Variants in INPP5A observed in about 807,000 individuals in gnomAD.
INPP5A encodes 43 kDa inositol polyphosphate 5-phophatase.
In INPP5A, 14 loss-of-function variants were observed where a neutral mutation model predicts 65.2. That is an observed-to-expected ratio of 0.21 (90% CI 0.14 to 0.34). The LOEUF (loss-of-function observed/expected upper bound fraction) is 0.34. INPP5A is among the 10% of genes least tolerant of loss of function. The pLI is 1.00. For synonymous variants in INPP5A, 207 were observed against 208.3 expected, an observed-to-expected ratio of 0.99 and a Z score of 0.05; for missense variants, 431 against 545.6, an observed-to-expected ratio of 0.79 and a Z score of 2.09.
At chr10:132,738,761 T>C (rs937923535) in intron 9 of INPP5A, among the ~76,000 whole-genome samples, 1 of 152,176 alleles carries the variant, frequency 6.6e-6, no homozygotes, top group Non-Finnish European at 1.5e-5. Context: ...TGGGTGGCCG[T>C]TGACAATGAA....
chr10:132,712,647 C>T (rs558920476), intron 8 of INPP5A, among the ~76,000 whole-genome samples: 1 of 130,590 alleles, frequency 7.7e-6, no homozygotes, highest in Non-Finnish European at 1.7e-5. Context: ...TGTGTGGGTG[C>T]ATGTGAGTGG....
At position 132,633,699 on chromosome 10, in the gene INPP5A, A is replaced by C. The variant is rs1427439672; in HGVS notation, c.118-12169A>C. On this transcript the variant is annotated intron_variant, in intron 2 of 15. Transcript: ENST00000368594. ...CATGATTTTTCCATTGTTCAGAGGC[A>C]CTCACTCGAAGGCCCTGGGGGTGGC... Among the ~76,000 whole-genome samples the C allele has an allele frequency of 3.3e-5, 5 of 152,224 alleles. No homozygotes were observed. The East Asian group carries it at 9.7e-4, about 29-fold the overall frequency.
intron 11 of INPP5A, among the ~76,000 whole-genome samples, chr10:132,761,694 A>G (rs557663446): frequency 6.6e-6 from 1 of 152,172 alleles, no homozygotes; most frequent in Non-Finnish European, 1.5e-5. Flanking sequence ...CCAGTCGGTC[A>G]CTTTGGAGGG....
chr10:132,663,691 G>A lies in INPP5A; in HGVS notation c.306+13186G>A, dbSNP rs569664062. On this transcript the variant is annotated intron_variant, in intron 4 of 15. Transcript: ENST00000368594. This position sits in a 1 kb window ranked among gnomAD's most constrained non-coding sequence, Gnocchi z 4.5. ...TTGGTTTGCAGTGGAGTCTGTGCCT[G>A]TGGCAGCCGTCTGCATGACTTTGGG... 3.9e-5 allele frequency among the ~76,000 whole-genome samples: 6 copies of A among 152,340 alleles called. No homozygotes were observed. In the East Asian group the frequency reaches 7.7e-4, roughly 20 times the overall value.
At chr10:132,766,433 G>A (rs1846846526) in intron 12 of INPP5A, among the ~76,000 whole-genome samples, 4 of 152,214 alleles carry the variant, frequency 2.6e-5, no homozygotes, top group Admixed American at 2.6e-4. Flanking sequence ...GTCTATGTGG[G>A]TGTGGATGTG....
At chr10:132,712,657 G>A (rs544119673) in intron 8 of INPP5A, among the ~76,000 whole-genome samples, 2 of 143,942 alleles carry the variant, frequency 1.4e-5, no homozygotes, top group South Asian at 4.6e-4. Flanking sequence ...CATGTGAGTG[G>A]GTATATGCAT....
intron 8 of INPP5A, among the ~76,000 whole-genome samples, chr10:132,722,202 A>T (rs888358649): frequency 3.9e-5 from 6 of 152,238 alleles, no homozygotes; most frequent in African/African-American, 1.4e-4. Context: ...AACCAACTTT[A>T]ATAGATTCCC....
At chr10:132,564,854 G>T (rs1254722533) in intron 1 of INPP5A, among the ~76,000 whole-genome samples, 1 of 152,032 alleles carries the variant, frequency 6.6e-6, no homozygotes, top group Non-Finnish European at 1.5e-5. Flanking sequence ...TGCAGCACGT[G>T]TCTGTTGCAT....
intron 4 of INPP5A, among the ~76,000 whole-genome samples, chr10:132,660,091 C>T (rs536696132): frequency 3.9e-5 from 6 of 152,310 alleles, no homozygotes; most frequent in South Asian, 2.1e-4. Context: ...GCGTGACACA[C>T]GGCACATTAT....
chr10:132,707,223 C>G lies in INPP5A; in HGVS notation c.475-1090C>G, dbSNP rs1845550077. ...GTCCTGCTTTCCTTCTCTGCCAGCC[C>G]ATGAGCACCAAGAACAGCAGCCCCT... is the stretch of plus-strand genomic sequence containing the variant. On this transcript the variant is annotated intron_variant, in intron 6 of 15. Transcript: ENST00000368594. The surrounding 1 kb of genome is among the most constrained non-coding windows in gnomAD (Gnocchi z 5.5). Among the ~76,000 whole-genome samples the G allele has an allele frequency of 6.6e-6, 1 of 152,226 alleles. No homozygotes were observed. The highest frequency in any genetic ancestry group is 2.4e-5 in the African/African-American group (1 of 41,454).
Position 132,704,250 on chromosome 10 carries a change from TC to T in INPP5A, c.475-4060del. On this transcript the variant is annotated intron_variant, in intron 6 of 15. Transcript: ENST00000368594. The surrounding 1 kb of genome is among the most constrained non-coding windows in gnomAD (Gnocchi z 4.5). ...CTTTTCTCCTGGAAAGACGCCTGCC[TC>T]CCACTGTCACTAGTAGAGGGGCCTC... is the stretch of plus-strand genomic sequence containing the variant. Among the ~76,000 whole-genome samples the T allele has an allele frequency of 1.3e-5, 2 of 152,184 alleles. No homozygotes were observed. Among genetic ancestry groups the T allele is most frequent in the East Asian group, 3.9e-4 (2 of 5,134 alleles).
At chr10:132,645,806 G>A in intron 2 of INPP5A, 62 bp from the exon 3 acceptor site, 2 of 1,306,622 alleles carry the variant, frequency 1.5e-6, no homozygotes. Flanking sequence ...GGAGGGGGTG[G>A]TGCCACGTGT....
chr10:132,563,179 C>A lies in INPP5A; in HGVS notation c.75+25008C>A, dbSNP rs573820844. Among the ~76,000 whole-genome samples, 8 of 152,322 alleles carry A rather than the reference C, an allele frequency of 5.3e-5. No individual in the cohort carries two copies. In the East Asian group the frequency reaches 1.5e-3, roughly 29 times the overall value. ...GTGGAGCTGGGCCCTGGAGCAGCCACACTTGGCGGCTGTGAGTTGGCCTCA... is the reference window on the plus strand; with the variant it reads ...GTGGAGCTGGGCCCTGGAGCAGCCAAACTTGGCGGCTGTGAGTTGGCCTCA... On this transcript the variant is annotated intron_variant, in intron 1 of 15. Coordinates refer to ENST00000368594, the MANE Select transcript of INPP5A (RefSeq NM_005539.5).
intron 11 of INPP5A, among the ~76,000 whole-genome samples, chr10:132,755,375 AGT>A (rs150419440): frequency 0.016 from 2,093 of 134,306 alleles, 37 homozygotes; most frequent in South Asian, 0.034. Flanking sequence ...TATGAGTGGG[AGT>A]GTGCGTGAGA....
rs534840926 is a variant in INPP5A at position 132,551,951 on chromosome 10, C to T, written c.75+13780C>T. ...CCCCCCACACAGGGGTCCAGGTGTC[C>T]TCTGATTCTGCTGTGCTGAGTCTGT... is the stretch of plus-strand genomic sequence containing the variant. On this transcript the variant is annotated intron_variant, in intron 1 of 15. Transcript: ENST00000368594. This position sits in a 1 kb window ranked among gnomAD's most constrained non-coding sequence, Gnocchi z 5.3. Among the ~76,000 whole-genome samples the T allele has an allele frequency of 4.6e-5, 7 of 152,392 alleles. No homozygotes were observed. In the East Asian group the frequency reaches 7.7e-4, roughly 17 times the overall value.
In INPP5A at chr10:132,706,026, A is replaced by G. The variant is rs149815109; in HGVS notation, c.475-2287A>G. ...TAGGGTTCATTAAAAATGTTATTCA[A>G]CTAAAACAGAAATAAAACAAGAAAA... On this transcript the variant is annotated intron_variant, in intron 6 of 15. Transcript: ENST00000368594. This position sits in a 1 kb window ranked among gnomAD's most constrained non-coding sequence, Gnocchi z 4.7. Among the ~76,000 whole-genome samples, 709 of 152,386 alleles carry G rather than the reference A, an allele frequency of 4.7e-3. 2 individuals carry two copies. The highest frequency in any genetic ancestry group is 8.4e-3 in the Non-Finnish European group (571 of 68,036).
intron 4 of INPP5A, among the ~76,000 whole-genome samples, chr10:132,680,914 C>A (rs941930988): frequency 3.3e-5 from 5 of 152,258 alleles, no homozygotes; most frequent in Non-Finnish European, 5.9e-5. Flanking sequence ...GACCTGCAGC[C>A]CGCCATGCCT....
chr10:132,634,792 C>T (rs1002936588), intron 2 of INPP5A, among the ~76,000 whole-genome samples: 1 of 152,276 alleles, frequency 6.6e-6, no homozygotes, highest in African/African-American at 2.4e-5. Flanking sequence ...CACTGCGGCT[C>T]ACGGTGGCCC....
intron 4 of INPP5A, among the ~76,000 whole-genome samples, chr10:132,670,133 C>T (rs970540918): frequency 6.2e-5 from 9 of 144,284 alleles, no homozygotes; most frequent in African/African-American, 2.3e-4. Flanking sequence ...GCCTCCACCC[C>T]CAAGACCCTA....
Sources: gnomAD v4.1 joint callset for allele counts (sites outside exome capture counted in the v4.1 genomes callset) on GRCh38, gnomAD v4.1.1 for gene constraint, Gnocchi (gnomAD v3.1) non-coding constraint, MANE v1.5 for transcripts, NCBI Gene and HGNC (gene_info 2026-07-23, HGNC 2026-07-21) for gene names.